Variants in GRIP1 observed in about 807,000 individuals in gnomAD.
The protein encoded by GRIP1 is glutamate receptor interacting protein 1.
A neutral mutation model predicts 129.9 loss-of-function variants in GRIP1; 45 were observed. The observed-to-expected ratio is 0.35, with a 90% CI of 0.27 to 0.44. The LOEUF (loss-of-function observed/expected upper bound fraction) is 0.44, where lower values mean the gene tolerates loss of function less well. Among genes scored for constraint, GRIP1 ranks in the 20% least tolerant of loss-of-function variants. The probability of loss-of-function intolerance (pLI) is 1.00; values close to 1 mark genes in which losing one functional copy is unlikely to be tolerated. For missense variants in GRIP1, 1,196 were observed against 1,396.8 expected (o/e 0.86, Z 2.29); for synonymous variants, 530 against 520.8 (o/e 1.02, Z -0.24).
chr12:66,721,045 A>G (rs115291494), intron 1 of GRIP1, among the ~76,000 whole-genome samples: 5,141 of 152,252 alleles, frequency 0.034, 103 homozygotes, highest in Middle Eastern at 0.065. Flanking sequence ...TAAGATCTGA[A>G]AGTCAAAATT....
At chr12:66,412,690 A>G (rs2057444220) in intron 15 of GRIP1, among the ~76,000 whole-genome samples, 1 of 152,218 alleles carries the variant, frequency 6.6e-6, no homozygotes, top group Non-Finnish European at 1.5e-5. Context: ...AGAATGGCAA[A>G]CTGGATAAAG....
chr12:66,643,040 C>T (rs1014142690), intron 1 of GRIP1, among the ~76,000 whole-genome samples: 2 of 152,030 alleles, frequency 1.3e-5, no homozygotes, highest in Admixed American at 1.3e-4. Context: ...CAAGCAGATG[C>T]AAAATAAACA....
chr12:67,002,127 T>C (rs771643613), intron 1 of GRIP1, among the ~76,000 whole-genome samples: 1 of 152,224 alleles, frequency 6.6e-6, no homozygotes, highest in Non-Finnish European at 1.5e-5. Context: ...GAATAAACAA[T>C]ATTAGATTCA....
chr12:66,411,235 G>A (rs1038132391), intron 15 of GRIP1, among the ~76,000 whole-genome samples: 6 of 152,100 alleles, frequency 3.9e-5, no homozygotes, highest in Admixed American at 1.3e-4. Flanking sequence ...TCTCCAGATC[G>A]GCATCAGGTC....
intron 2 of GRIP1, among the ~76,000 whole-genome samples, chr12:66,553,731 G>T (rs1220265799): frequency 1.3e-5 from 2 of 151,732 alleles, no homozygotes; most frequent in African/African-American, 4.8e-5. Flanking sequence ...ATGGCACGAA[G>T]AATTTATGAG....
chr12:66,524,330 C>A (rs1455212882), intron 5 of GRIP1, among the ~76,000 whole-genome samples: 3 of 152,190 alleles, frequency 2.0e-5, no homozygotes, highest in African/African-American at 7.2e-5. Flanking sequence ...CAAACTGTCC[C>A]TCAGACTACA....
chr12:66,652,695 C>T (rs937374403), intron 1 of GRIP1, among the ~76,000 whole-genome samples: 4 of 152,286 alleles, frequency 2.6e-5, no homozygotes, highest in South Asian at 2.1e-4. Context: ...AAAGCATTTC[C>T]CTGCTGATCT....
intron 16 of GRIP1, 63 bp downstream of exon 16, chr12:66,406,220 A>C: frequency 6.7e-7 from 1 of 1,489,422 alleles, no homozygotes; most frequent in Non-Finnish European, 9.4e-7. Context: ...ATCAAGATCT[A>C]ATATCTTTGG....
At chr12:66,952,928 G>C (rs2041781038) in intron 1 of GRIP1, among the ~76,000 whole-genome samples, 1 of 152,164 alleles carries the variant, frequency 6.6e-6, no homozygotes, top group Admixed American at 6.5e-5. Context: ...TTTACGATTA[G>C]AGCTACATGA....
chr12:66,669,346 C>T (rs12305277), intron 1 of GRIP1, among the ~76,000 whole-genome samples: 45,432 of 151,806 alleles, frequency 0.3, 7,275 homozygotes, highest in Admixed American at 0.39. Flanking sequence ...TGAGATCGTG[C>T]CACTGCACTG....
chr12:66,841,364 AGAT>A lies in GRIP1; in HGVS notation c.58+227683_58+227685del, dbSNP rs535762251. ...AAAACAAATACAGTCATGTAATAAAAGATGATATGTGCTAGTATTGAGGAATAG... is the reference window on the plus strand; with the variant it reads ...AAAACAAATACAGTCATGTAATAAAAGATATGTGCTAGTATTGAGGAATAG... On this transcript the variant is annotated intron_variant, in intron 1 of 1. Transcript: ENST00000643019. Among the ~76,000 whole-genome samples the A allele has an allele frequency of 1.1e-4, 17 of 152,350 alleles. No individual in the cohort carries two copies. In the South Asian group the frequency reaches 3.5e-3, roughly 32 times the overall value.
At chr12:66,508,027 G>A (rs538796481) in intron 7 of GRIP1, among the ~76,000 whole-genome samples, 1 of 152,214 alleles carries the variant, frequency 6.6e-6, no homozygotes, top group South Asian at 2.1e-4. Flanking sequence ...CAAAAAGAAA[G>A]GTTTGAAGCT....
intron 1 of GRIP1, among the ~76,000 whole-genome samples, chr12:67,012,273 G>A (rs543780934): frequency 1.3e-5 from 2 of 152,202 alleles, no homozygotes; most frequent in South Asian, 4.1e-4. Flanking sequence ...AATAATGAAC[G>A]TAAAAGCATT....
intron 1 of GRIP1, among the ~76,000 whole-genome samples, chr12:67,007,173 G>A (rs553177476): frequency 3.2e-4 from 48 of 152,186 alleles, no homozygotes; most frequent in South Asian, 1.9e-3. Context: ...GATAAAAAGT[G>A]CCTTAAATAA....
chr12:66,820,813 A>T (rs996073870), intron 1 of GRIP1, among the ~76,000 whole-genome samples: 2 of 151,694 alleles, frequency 1.3e-5, no homozygotes, highest in Non-Finnish European at 2.9e-5. Context: ...AACTAGGGAG[A>T]CAATTAAAAA....
chr12:66,389,605 A>G (rs924314897), intron 19 of GRIP1, among the ~76,000 whole-genome samples: 1 of 152,160 alleles, frequency 6.6e-6, no homozygotes, highest in Admixed American at 6.5e-5. Context: ...CGGGTAAAGA[A>G]AAAAAAACAC....
At chr12:66,748,609 T>C (rs891002084) in intron 1 of GRIP1, among the ~76,000 whole-genome samples, 2 of 152,176 alleles carry the variant, frequency 1.3e-5, no homozygotes, top group Non-Finnish European at 1.5e-5. Context: ...ATGATGTGGT[T>C]TAAGGATCTA....
intron 1 of GRIP1, among the ~76,000 whole-genome samples, chr12:66,958,176 G>A (rs1161749343): frequency 4.6e-5 from 7 of 152,094 alleles, no homozygotes; most frequent in African/African-American, 1.7e-4. Context: ...GTCTCACTCT[G>A]TCACCCACGC....
chr12:66,480,355 G>A (rs2059766008), intron 7 of GRIP1, among the ~76,000 whole-genome samples: 1 of 151,986 alleles, frequency 6.6e-6, no homozygotes, highest in Non-Finnish European at 1.5e-5. Context: ...AACTTACAAG[G>A]GATGAGAAGG....
Sources: allele counts gnomAD v4.1 joint callset (sites outside exome capture counted in the v4.1 genomes callset), GRCh38; gene constraint gnomAD v4.1.1; transcripts MANE v1.5; gene names NCBI Gene and HGNC (gene_info 2026-07-23, HGNC 2026-07-21).